Variants in DYSF observed in about 807,000 individuals in gnomAD.
DYSF encodes the protein dysferlin.
DYSF carries 212 observed loss-of-function variants against 274.9 expected under a neutral mutation model. The observed-to-expected ratio is 0.77, with a 90% CI of 0.69 to 0.86. DYSF has a LOEUF of 0.86. Among genes scored for constraint, DYSF ranks in the 40% least tolerant of loss-of-function variants. The pLI, the probability that DYSF is intolerant of heterozygous loss-of-function variation, is 0.00. For missense variants in DYSF, 2,666 were observed against 2,783.2 expected, an observed-to-expected ratio of 0.96 and a Z score of 0.95; for synonymous variants, 1,091 against 1,078.7, an observed-to-expected ratio of 1.01 and a Z score of -0.22.
At chr2:71,501,792 G>A (rs2084995432) in intron 3 of DYSF, among the ~76,000 whole-genome samples, 1 of 152,140 alleles carries the variant, frequency 6.6e-6, no homozygotes, top group Admixed American at 6.5e-5. Context: ...TCTTGTTTGT[G>A]CCTCTGTTGA....
chr2:71,493,870 A>AAAAG (rs1553514840), intron 3 of DYSF, among the ~76,000 whole-genome samples: 17 of 144,104 alleles, frequency 1.2e-4, no homozygotes, highest in Non-Finnish European at 1.8e-4. Context: ...AAAAAAAAAA[A>AAAAG]AAAAGAAAGA....
In DYSF at chr2:71,454,032, G is replaced by A; in HGVS notation, c.34G>A (p.Val12Ile). The A allele has an allele frequency of 6.2e-7, 1 of 1,614,166 alleles. No individual in the cohort carries two copies. The highest frequency in any genetic ancestry group is 8.5e-7 in the Non-Finnish European group (1 of 1,180,036). ...GGTCTTCATCCTCTATGCCGAGAAC[G>A]TCCACACACCCGACACCGACATCAG... is the stretch of plus-strand genomic sequence containing the variant. Residue 12 changes from valine (V) to isoleucine (I), a missense_variant, in exon 1 of 55, where the codon GTC becomes ATC. Coordinates refer to the DYSF transcript ENST00000258104.
chr2:71,468,229 A>G (rs1221414120), intron 1 of DYSF, among the ~76,000 whole-genome samples: 2 of 152,226 alleles, frequency 1.3e-5, no homozygotes, highest in Non-Finnish European at 2.9e-5. Flanking sequence ...TTGGCTGGAA[A>G]AGAAATTCCC....
intron 8 of DYSF, 86 bp from the exon 9 acceptor site, chr2:71,516,093 TG>T: frequency 7.6e-7 from 1 of 1,316,424 alleles, no homozygotes; most frequent in Non-Finnish European, 1.1e-6. Flanking sequence ...CTGCTAGGCG[TG>T]GAGGCTTGGG....
intron 30 of DYSF, among the ~76,000 whole-genome samples, chr2:71,585,740 C>A (rs1451301568): frequency 6.6e-6 from 1 of 152,118 alleles, no homozygotes; most frequent in Non-Finnish European, 1.5e-5. Flanking sequence ...GCACCTGCTG[C>A]CTGTGAGGTG....
chr2:71,547,172 T>G (rs920614746), intron 17 of DYSF, among the ~76,000 whole-genome samples: 1 of 152,214 alleles, frequency 6.6e-6, no homozygotes, highest in African/African-American at 2.4e-5. Context: ...ACTGTGCTCT[T>G]GAACTGTCTG....
intron 42 of DYSF, among the ~76,000 whole-genome samples, chr2:71,647,906 C>T (rs227777): frequency 0.89 from 135,046 of 152,258 alleles, 60,235 homozygotes; most frequent in African/African-American, 0.97. Context: ...ACCGTGGATA[C>T]GGAAACTTTG....
intron 41 of DYSF, among the ~76,000 whole-genome samples, chr2:71,622,142 T>TTG (rs1373830193): frequency 6.7e-6 from 1 of 149,398 alleles, no homozygotes; most frequent in Non-Finnish European, 1.5e-5. Context: ...TTTTTTTTTT[T>TTG]TTTTGTTACG....
At chr2:71,679,022 G>C in intron 52 of DYSF, 35 bp from the exon 53 acceptor site, 1 of 1,610,538 alleles carries the variant, frequency 6.2e-7, no homozygotes, top group Non-Finnish European at 8.5e-7. Context: ...CAGTGATCGA[G>C]AAACCCTTGG....
rs186951294 is a variant in DYSF, at chr2:71,506,447, A to G, written c.345+3128A>G. 1.8e-3 allele frequency among the ~76,000 whole-genome samples: 281 copies of G among 152,172 alleles called. 1 individual carries two copies. The highest frequency in any genetic ancestry group is 6.5e-3 in the African/African-American group (270 of 41,534). On this transcript the variant is annotated intron_variant, in intron 4 of 55. Coordinates refer to ENST00000410020, the MANE Select transcript of DYSF (RefSeq NM_001130987.2). ...AGCGTGTTTGGTGGACACACGATTG[A>G]CTGACAATGGCCTTGTGCGTGGAGA...
At chr2:71,646,030 C>T (rs1376114578) in intron 42 of DYSF, among the ~76,000 whole-genome samples, 2 of 152,146 alleles carry the variant, frequency 1.3e-5, no homozygotes, top group Admixed American at 6.5e-5. Context: ...GGCAGTTTCA[C>T]CAGTCAGCAA....
rs111488441 is a variant in DYSF at position 71,574,301 on chromosome 2, G to A, written c.3332G>A (p.Arg1111His). Reference protein sequence around the residue: ...YRKTDAFRRRRWRRRMEPLEK... With the variant: ...YRKTDAFRRRHWRRRMEPLEK... The stretch of plus-strand genomic sequence containing the variant: ...AAGACAGATGCCTTCCGCCGCCGCC[G>A]CTGGCGCCGTCGCATGGAGCCACTG... Residue 1111 changes from arginine to histidine, a missense_variant, in exon 30 of 56, where the codon CGC (arginine) becomes CAC (histidine). By Grantham distance (29) the Arg-to-His change is conservative. Around this residue, in one of 3 missense-constraint regions of DYSF, gnomAD observed 1,460 missense variants for 1,502.1 expected, o/e 0.97. Coordinates refer to ENST00000410020, the MANE Select transcript of DYSF (RefSeq NM_001130987.2). 2.2e-5 allele frequency: 36 copies of A among 1,613,978 alleles called. No homozygotes were observed. The highest frequency in any genetic ancestry group is 3.3e-5 in the South Asian group (3 of 91,084).
intron 55 of DYSF, 72 bp from the exon 56 acceptor site, chr2:71,686,382 C>T (rs2095356769): frequency 6.3e-6 from 10 of 1,590,732 alleles, no homozygotes; most frequent in Admixed American, 3.3e-5. Context: ...AGCCCCAGGT[C>T]TGGGACAGCT....
intron 52 of DYSF, among the ~76,000 whole-genome samples, chr2:71,677,386 T>C (rs575088939): frequency 2.0e-5 from 3 of 152,356 alleles, no homozygotes; most frequent in Admixed American, 2.0e-4. Flanking sequence ...TTAATCCCTT[T>C]GGCAACCTAT....
At chr2:71,512,405 A>G (rs564518534) in intron 5 of DYSF, among the ~76,000 whole-genome samples, 2 of 152,362 alleles carry the variant, frequency 1.3e-5, no homozygotes, top group East Asian at 3.9e-4. Context: ...TCAGGGTTCC[A>G]GTCCTGCCTT....
In DYSF at chr2:71,556,710, T is replaced by C. The variant is rs529499472; in HGVS notation, c.2216+639T>C. 1.6e-4 allele frequency among the ~76,000 whole-genome samples: 25 copies of C among 152,360 alleles called. No homozygotes were observed. In the South Asian group the frequency reaches 5.0e-3, roughly 30 times the overall value. ...TAATTATTGCTCAGAAGAAGAAATG[T>C]CAGGAGACTTAGCTCCTGGTCTCTT... On this transcript the variant is annotated intron_variant, in intron 22 of 55. Coordinates refer to ENST00000410020, the MANE Select transcript of DYSF (RefSeq NM_001130987.2).
intron 10 of DYSF, 78 bp downstream of exon 10, chr2:71,517,117 G>A (rs2152736985): frequency 7.4e-7 from 1 of 1,342,924 alleles, no homozygotes; most frequent in Non-Finnish European, 1.1e-6. Context: ...CATGGGCAGG[G>A]GCTCCAGAGA....
chr2:71,607,088 T>C (rs1017111947), intron 36 of DYSF, among the ~76,000 whole-genome samples: 1 of 152,170 alleles, frequency 6.6e-6, no homozygotes, highest in African/African-American at 2.4e-5. Context: ...GCATGGGTGA[T>C]GGATTGATGT....
In DYSF at chr2:71,520,812, C is replaced by T. The variant is rs752460236; in HGVS notation, c.1057C>T (p.Leu353=). 11 of 1,613,946 alleles carry T rather than the reference C, an allele frequency of 6.8e-6. No homozygotes were observed. Among genetic ancestry groups the T allele is most frequent in the African/African-American group, 1.3e-5 (1 of 74,898 alleles). ...AGGGCACGCCTATCTCAGGAAGTGG[C>T]TGCTGCTCTCAGACCCTGATGACTT... ...EPRHAYLRKW[L]LLSDPDDFSA... is the part of the protein sequence containing the mutation. The change falls in exon 12 of 56, where the codon CTG becomes TTG. Residue 353 remains leucine, a synonymous_variant. Coordinates refer to ENST00000410020, the MANE Select transcript of DYSF (RefSeq NM_001130987.2).
Sources: gnomAD v4.1 joint callset for allele counts (sites outside exome capture counted in the v4.1 genomes callset) on GRCh38, gnomAD v4.1.1 for gene constraint, gnomAD v4.1.1 regional missense constraint, MANE v1.5 for transcripts, NCBI Gene and HGNC (gene_info 2026-07-23, HGNC 2026-07-21) for gene names.